Variants in PTGIS observed in about 807,000 individuals in gnomAD.
The protein encoded by PTGIS is prostaglandin I2 synthase.
In PTGIS, 45 loss-of-function variants were observed where a neutral mutation model predicts 50.3. That is an observed-to-expected ratio of 0.90 (90% CI 0.70 to 1.15). The LOEUF (loss-of-function observed/expected upper bound fraction) is 1.15, where lower values mean the gene tolerates loss of function less well. PTGIS is among the 50% of genes most tolerant of loss of function. The pLI, the probability that PTGIS is intolerant of heterozygous loss-of-function variation, is 0.00. For missense variants in PTGIS, 668 were observed against 661.3 expected (o/e 1.01, Z -0.11); for synonymous variants, 260 against 267.7 (o/e 0.97, Z 0.28).
chr20:49,516,782 C>T (rs1385091381), intron 6 of PTGIS, among the ~76,000 whole-genome samples: 5 of 152,320 alleles, frequency 3.3e-5, no homozygotes, highest in East Asian at 3.9e-4. Flanking sequence ...AAGTACTCCC[C>T]GGTCACTACC....
At chr20:49,521,153 T>C (rs549647654) in intron 6 of PTGIS, among the ~76,000 whole-genome samples, 1 of 152,350 alleles carries the variant, frequency 6.6e-6, no homozygotes, top group African/African-American at 2.4e-5. Flanking sequence ...AAATTGCACA[T>C]GTATTCCTGC....
At chr20:49,561,490 G>A (rs1982774419) in intron 1 of PTGIS, among the ~76,000 whole-genome samples, 1 of 152,214 alleles carries the variant, frequency 6.6e-6, no homozygotes, top group African/African-American at 2.4e-5. Context: ...TTCTCCTGAA[G>A]TCTCCACGTG....
At chr20:49,531,172 C>A (rs763261518) in intron 5 of PTGIS, among the ~76,000 whole-genome samples, 1 of 152,094 alleles carries the variant, frequency 6.6e-6, no homozygotes, top group Non-Finnish European at 1.5e-5. Flanking sequence ...GTTTAAACCA[C>A]GCGAAATAAT....
intron 6 of PTGIS, among the ~76,000 whole-genome samples, chr20:49,521,235 G>A (rs1770425700): frequency 6.6e-6 from 1 of 152,184 alleles, no homozygotes; most frequent in Non-Finnish European, 1.5e-5. Flanking sequence ...GTAAACCGAG[G>A]TGCTCAGAGG....
At chr20:49,514,774 C>T (rs188012160) in intron 6 of PTGIS, among the ~76,000 whole-genome samples, 29 of 152,320 alleles carry the variant, frequency 1.9e-4, no homozygotes, top group East Asian at 3.9e-4. Flanking sequence ...GCAGAATCCA[C>T]GCTCCTTACC....
Position 49,539,699 on chromosome 20 carries a change from C to T in PTGIS, c.544G>A (p.Gly182Arg), listed in dbSNP as rs148768155. 1.4e-3 allele frequency: 2,188 copies of T among 1,613,120 alleles called. 4 individuals are homozygous for T. Among genetic ancestry groups the T allele is most frequent in the Non-Finnish European group, 1.7e-3 (1,947 of 1,179,912 alleles). The change falls in exon 5 of 10, where the codon GGA becomes AGA. Residue 182 changes from glycine to arginine, a missense_variant. By Grantham distance (125) the Gly-to-Arg change is moderately radical. Coordinates refer to ENST00000244043, the MANE Select transcript of PTGIS (RefSeq NM_000961.4). Reference protein sequence around the residue: ...LLRAGYLTLYGIEALPRTHES... With the variant: ...LLRAGYLTLYRIEALPRTHES... ...TGGGTGCGTGGCAGCGCCTCAATTC[C>T]GTAAAGAGTCAGGTAGCCGGCTCTG...
intron 1 of PTGIS, among the ~76,000 whole-genome samples, chr20:49,562,269 T>C (rs1982795096): frequency 6.6e-6 from 1 of 152,326 alleles, no homozygotes; most frequent in African/African-American, 2.4e-5. Context: ...TCCTAAAACA[T>C]CTTTGCAGGC....
At chr20:49,546,593 G>T (rs991554482) in intron 3 of PTGIS, among the ~76,000 whole-genome samples, 9 of 152,198 alleles carry the variant, frequency 5.9e-5, no homozygotes, top group Non-Finnish European at 1.2e-4. Context: ...ATCAGCCTTG[G>T]TATCTTAGAT....
At chr20:49,546,254 G>A (rs1361535136) in intron 3 of PTGIS, among the ~76,000 whole-genome samples, 2 of 152,164 alleles carry the variant, frequency 1.3e-5, no homozygotes, top group Non-Finnish European at 2.9e-5. Flanking sequence ...GGCAAACACT[G>A]AAGGAAACTG....
intron 7 of PTGIS, 81 bp from the exon 8 acceptor site, chr20:49,513,342 G>T: frequency 6.7e-7 from 1 of 1,495,970 alleles, no homozygotes. Context: ...TTATTTTACA[G>T]AGGAAGATGA....
chr20:49,530,069 G>A (rs1981896762), intron 5 of PTGIS, among the ~76,000 whole-genome samples: 2 of 151,466 alleles, frequency 1.3e-5, no homozygotes, highest in African/African-American at 2.4e-5. Flanking sequence ...CAGGAGAATC[G>A]CTTGAATCTG....
intron 5 of PTGIS, among the ~76,000 whole-genome samples, chr20:49,533,832 G>C (rs1215273879): frequency 6.6e-6 from 1 of 152,066 alleles, no homozygotes; most frequent in African/African-American, 2.4e-5. Context: ...GTGGTGGTAC[G>C]TGCCTGTAAT....
At chr20:49,553,939 T>C (rs986004737) in intron 1 of PTGIS, among the ~76,000 whole-genome samples, 3 of 152,136 alleles carry the variant, frequency 2.0e-5, no homozygotes, top group Non-Finnish European at 4.4e-5. Flanking sequence ...TGAAAAACAT[T>C]TTATGTGAAC....
intron 5 of PTGIS, among the ~76,000 whole-genome samples, chr20:49,528,636 A>T (rs368857377): frequency 1.8e-3 from 276 of 152,144 alleles, no homozygotes; most frequent in Middle Eastern, 3.4e-3. Context: ...AAACAAAAAA[A>T]ATATATATAT....
rs1981139878 is a variant in PTGIS, at chr20:49,505,883, C to G, written c.*2037G>C. ...GGAGGCTGAGGCCCAGGGAAGCCCC[C>G]AAACCCCAGTGCTGCTCTGAGAAGA... On this transcript the variant is annotated 3_prime_UTR_variant, in exon 10 of 10. Coordinates refer to ENST00000244043, the MANE Select transcript of PTGIS (RefSeq NM_000961.4). 1 of 152,628 alleles carries G rather than the reference C, an allele frequency of 6.6e-6. No homozygotes were observed. Among genetic ancestry groups the G allele is most frequent in the Non-Finnish European group, 1.5e-5 (1 of 68,098 alleles). The allele number at this position is 152,628 out of a possible 1,614,324, so 9.5% of individuals were successfully genotyped here. A position where few individuals can be genotyped will look rare whatever the true frequency, so the allele number is the denominator to read the frequency against.
intron 2 of PTGIS, 149 bp from the exon 3 acceptor site, chr20:49,548,168 C>T: frequency 1.3e-6 from 1 of 771,514 alleles, no homozygotes. Flanking sequence ...CCACCTACCA[C>T]CCTGTGAGGT....
At chr20:49,546,824 G>A (rs1455463686) in intron 3 of PTGIS, among the ~76,000 whole-genome samples, 2 of 152,176 alleles carry the variant, frequency 1.3e-5, no homozygotes, top group African/African-American at 4.8e-5. Flanking sequence ...ATGGTGGTTG[G>A]CACCGTTCTG....
At chr20:49,566,203 C>T (rs1020518176) in intron 1 of PTGIS, among the ~76,000 whole-genome samples, 1 of 152,188 alleles carries the variant, frequency 6.6e-6, no homozygotes, top group Non-Finnish European at 1.5e-5. Flanking sequence ...GCACTCCAGC[C>T]TGGGCAACAA....
chr20:49,519,013 T>C (rs943923645), intron 6 of PTGIS, among the ~76,000 whole-genome samples: 2 of 152,166 alleles, frequency 1.3e-5, no homozygotes, highest in Admixed American at 6.5e-5. Flanking sequence ...AAGGATCAGA[T>C]GTGATGGATG....
Sources: allele counts gnomAD v4.1 joint callset (sites outside exome capture counted in the v4.1 genomes callset), GRCh38; gene constraint gnomAD v4.1.1; transcripts MANE v1.5; gene names NCBI Gene and HGNC (gene_info 2026-07-23, HGNC 2026-07-21).